BCAS3: variants seen among roughly 807,000 people sequenced by gnomAD.
BCAS3 encodes BCAS3 microtubule associated cell migration factor.
In BCAS3, 53 loss-of-function variants were observed where a neutral mutation model predicts 116.1. The ratio of observed to expected loss-of-function variants is 0.46; its 90% CI spans 0.37 to 0.57. The LOEUF is 0.57. Among genes scored for constraint, BCAS3 ranks in the 20% least tolerant of loss-of-function variants. BCAS3 has a pLI of 0.00. For missense variants in BCAS3, 917 were observed against 1,165.4 expected (o/e 0.79, Z 3.10); for synonymous variants, 391 against 408.2 (o/e 0.96, Z 0.51).
In BCAS3 at chr17:61,215,242, A is replaced by T. The variant is rs2081717942; in HGVS notation, c.2425+130678A>T. Among the ~76,000 whole-genome samples, 1 of 152,238 alleles carries T rather than the reference A, an allele frequency of 6.6e-6. No homozygotes were observed. ...AAATCTCTTTTGAAATTCATTTGTT[A>T]AAGAAAATATTTCAGAGTCACTAGC... On this transcript the variant is annotated intron_variant, in intron 22 of 23. Transcript: ENST00000407086. The surrounding 1 kb of genome is among the most constrained non-coding windows in gnomAD (Gnocchi z 4.8).
intron 22 of BCAS3, among the ~76,000 whole-genome samples, chr17:61,260,372 T>C (rs576919143): frequency 6.6e-6 from 1 of 152,348 alleles, no homozygotes; most frequent in African/African-American, 2.4e-5. Context: ...AAAATATTCA[T>C]TTTAAGGTCA....
chr17:61,060,123 ATTATTT>A (rs1241514496), intron 19 of BCAS3, among the ~76,000 whole-genome samples: 1 of 150,940 alleles, frequency 6.6e-6, no homozygotes, highest in Non-Finnish European at 1.5e-5. Context: ...TATTTTTTTT[ATTATTT>A]TTATTTTTAT....
chr17:60,683,946 C>T (rs1419861102), intron 2 of BCAS3, 36 bp from the exon 3 acceptor site: 14 of 1,575,532 alleles, frequency 8.9e-6, no homozygotes, highest in Non-Finnish European at 1.2e-5. Context: ...ATATTAAGCT[C>T]TCCTGACCAG....
rs2061445997 is a variant in BCAS3, at chr17:60,962,224, T to C, written c.1221+14872T>C. On this transcript the variant is annotated intron_variant, in intron 14 of 23. Transcript: ENST00000407086. This position sits in a 1 kb window ranked among gnomAD's most constrained non-coding sequence, Gnocchi z 4.4. ...CTGGTAGCAGAATTGCTGGATCATA[T>C]GGTAATTCTGTTTTTAGTTTTCTGA... 6.6e-6 allele frequency among the ~76,000 whole-genome samples: 1 copy of C among 152,216 alleles called. No homozygotes were observed. The highest frequency in any genetic ancestry group is 2.4e-5 in the African/African-American group (1 of 41,466).
intron 7 of BCAS3, among the ~76,000 whole-genome samples, chr17:60,828,667 T>C (rs1033419753): frequency 1.3e-5 from 2 of 152,224 alleles, no homozygotes; most frequent in East Asian, 1.9e-4. Flanking sequence ...GATTTTAAGA[T>C]GTTTTCTAAA....
chr17:60,739,075 C>T (rs938536060), intron 5 of BCAS3, among the ~76,000 whole-genome samples: 2 of 152,106 alleles, frequency 1.3e-5, no homozygotes, highest in Non-Finnish European at 2.9e-5. Flanking sequence ...GTTTGCAATA[C>T]ATTTATAACC....
chr17:60,747,247 G>A lies in BCAS3; in HGVS notation c.371G>A (p.Arg124Gln), dbSNP rs764847912. 2.5e-6 allele frequency: 4 copies of A among 1,613,142 alleles called. No individual in the cohort carries two copies. Among genetic ancestry groups the A allele is most frequent in the Non-Finnish European group, 3.4e-6 (4 of 1,179,254 alleles). ...TTCTCTGTTCGACATGGCCCAATTC[G>A]AGCGGCTAGAATCTTGCCTGCTCCA... The part of the protein sequence containing the change: ...ELFSVRHGPI[R>Q]AARILPAPQF... Residue 124 changes from arginine to glutamine, a missense_variant, in exon 6 of 24, where the codon CGA becomes CAA. Physicochemically the swap from Arg to Gln is conservative, Grantham distance 43. Around this residue, in one of 3 missense-constraint regions of BCAS3, gnomAD observed 807 missense variants for 1,026.0 expected, o/e 0.79. Coordinates refer to ENST00000407086, the MANE Select transcript of BCAS3 (RefSeq NM_017679.5).
Position 61,390,278 on chromosome 17 carries a change from C to G in BCAS3, c.2594-1699C>G, listed in dbSNP as rs1450886888. 1 of 152,292 alleles carries G rather than the reference C, an allele frequency of 6.6e-6. No homozygotes were observed. Among genetic ancestry groups the G allele is most frequent in the Non-Finnish European group, 1.5e-5 (1 of 68,106 alleles). 9.4% of individuals were successfully genotyped at this position (152,292 alleles called of 1,614,324 possible). On this transcript the variant is annotated intron_variant, in intron 23 of 23. Coordinates refer to ENST00000407086, the MANE Select transcript of BCAS3 (RefSeq NM_017679.5). The surrounding 1 kb of genome is among the most constrained non-coding windows in gnomAD (Gnocchi z 6.8). ...TCTACTCTTGGCTTTACCACCCTCT[C>G]CATCTCATGGCACGATGGCCTGTCC... is the stretch of plus-strand genomic sequence containing the variant.
chr17:60,927,673 T>C (rs766794408), intron 13 of BCAS3, among the ~76,000 whole-genome samples: 7 of 152,222 alleles, frequency 4.6e-5, no homozygotes, highest in Non-Finnish European at 8.8e-5. Context: ...TACATAATTG[T>C]TTCATATAGC....
intron 3 of BCAS3, 21 bp from the exon 4 acceptor site, chr17:60,689,665 A>G: frequency 6.5e-7 from 1 of 1,540,666 alleles, no homozygotes; most frequent in Middle Eastern, 1.7e-4. Flanking sequence ...GTTTATTCAA[A>G]TGTTTCTGTT....
Position 61,040,825 on chromosome 17 carries a change from T to A in BCAS3, c.1962T>A (p.Phe654Leu), listed in dbSNP as rs2145620450. 1 of 1,614,184 alleles carries A rather than the reference T, an allele frequency of 6.2e-7. No individual in the cohort carries two copies. The highest frequency in any genetic ancestry group is 1.1e-5 in the South Asian group (1 of 91,090). The part of the protein sequence containing the change: ...TPQWNELQPP[F>L]NANHPLLLAA... ...AATGGAATGAATTGCAGCCACCGTT[T>A]AATGCAAACCACCCTCTGCTCCTCG... Residue 654 changes from phenylalanine (F) to leucine (L), a missense_variant, in exon 19 of 24, where the codon TTT becomes TTA. Phe to Leu is a conservative substitution (Grantham distance 22). This residue lies in a region of BCAS3 where 807 missense variants were observed against 1,026.0 expected (regional missense o/e 0.79). Transcript: ENST00000407086.
In BCAS3 at chr17:61,028,369, C is replaced by T. The variant is rs978742973; in HGVS notation, c.1638-6297C>T. On this transcript the variant is annotated intron_variant, in intron 16 of 23. Transcript: ENST00000407086. This position sits in a 1 kb window ranked among gnomAD's most constrained non-coding sequence, Gnocchi z 4.3. Reference sequence around the variant, plus strand: ...AATCTCATGAAAGTTGATCTTTATTCATTTTGTTAACCAGATGTCTTCTAA... The same window carrying T: ...AATCTCATGAAAGTTGATCTTTATTTATTTTGTTAACCAGATGTCTTCTAA... Among the ~76,000 whole-genome samples the T allele has an allele frequency of 6.6e-6, 1 of 151,794 alleles. No individual in the cohort carries two copies. Among genetic ancestry groups the T allele is most frequent in the Admixed American group, 6.6e-5 (1 of 15,228 alleles).
At chr17:60,793,869 T>C (rs2046988020) in intron 6 of BCAS3, among the ~76,000 whole-genome samples, 1 of 152,276 alleles carries the variant, frequency 6.6e-6, no homozygotes, top group South Asian at 2.1e-4. Context: ...GCTATAAACA[T>C]GTGTGTGTAA....
At chr17:60,849,905 C>T (rs1416125546) in intron 7 of BCAS3, among the ~76,000 whole-genome samples, 1 of 152,104 alleles carries the variant, frequency 6.6e-6, no homozygotes, top group African/African-American at 2.4e-5. Context: ...GGACTACAGG[C>T]GTGCTACCGT....
At chr17:61,190,925 G>A (rs2080073385) in intron 22 of BCAS3, among the ~76,000 whole-genome samples, 1 of 152,142 alleles carries the variant, frequency 6.6e-6, no homozygotes, top group Non-Finnish European at 1.5e-5. Flanking sequence ...TTATTAAGTA[G>A]CTGGGTGTGA....
rs184251244 is a variant in BCAS3 at position 61,348,213 on chromosome 17, C to T, written c.2426-20114C>T. On this transcript the variant is annotated intron_variant, in intron 22 of 23. Coordinates refer to ENST00000407086, the MANE Select transcript of BCAS3 (RefSeq NM_017679.5). The surrounding 1 kb of genome is among the most constrained non-coding windows in gnomAD (Gnocchi z 4.5). ...CTTACTGGTCAGCTGGATGGACGGG[C>T]GATGTTTGGGCCAATGAGAAGATGG... Among the ~76,000 whole-genome samples the T allele has an allele frequency of 1.3e-3, 202 of 152,096 alleles. 1 individual carries two copies. The highest frequency in any genetic ancestry group is 4.6e-3 in the African/African-American group (192 of 41,476).
chr17:61,102,473 G>A (rs577775334), intron 22 of BCAS3, among the ~76,000 whole-genome samples: 1 of 152,198 alleles, frequency 6.6e-6, no homozygotes, highest in South Asian at 2.1e-4. Context: ...TGAGGTAAAA[G>A]CACTGTTACA....
In BCAS3 at chr17:61,124,477, A is replaced by G. The variant is rs569202379; in HGVS notation, c.2425+39913A>G. Among the ~76,000 whole-genome samples, 30 of 152,328 alleles carry G rather than the reference A, an allele frequency of 2.0e-4. No individual in the cohort carries two copies. In the South Asian group the frequency reaches 5.6e-3, roughly 28 times the overall value. On this transcript the variant is annotated intron_variant, in intron 22 of 23. Transcript: ENST00000407086. This position sits in a 1 kb window ranked among gnomAD's most constrained non-coding sequence, Gnocchi z 4.6. ...TATTTTTAAGATCGTAGAGATCCATAGAAGTATTGGCATTCTTGTACCAGT... is the reference window on the plus strand; with the variant it reads ...TATTTTTAAGATCGTAGAGATCCATGGAAGTATTGGCATTCTTGTACCAGT...
At chr17:60,702,029 T>C (rs1362463141) in intron 4 of BCAS3, among the ~76,000 whole-genome samples, 2 of 152,076 alleles carry the variant, frequency 1.3e-5, no homozygotes, top group Admixed American at 1.3e-4. Context: ...TATATATGTA[T>C]GTATAGATAC....
Sources: allele counts gnomAD v4.1 joint callset (sites outside exome capture counted in the v4.1 genomes callset), GRCh38; gene constraint gnomAD v4.1.1; regional missense constraint gnomAD v4.1.1; non-coding constraint Gnocchi (gnomAD v3.1); transcripts MANE v1.5; gene names NCBI Gene and HGNC (gene_info 2026-07-23, HGNC 2026-07-21).